Variants in KIF20B observed in about 807,000 individuals in gnomAD.
KIF20B encodes kinesin-like protein KIF20B.
Under a neutral mutation model 232.5 loss-of-function variants are expected in KIF20B, and 188 were observed. The ratio of observed to expected loss-of-function variants is 0.81; its 90% CI spans 0.72 to 0.91. The LOEUF (loss-of-function observed/expected upper bound fraction) is 0.91. KIF20B is among the 40% of genes least tolerant of loss of function. KIF20B has a pLI of 0.00. For missense variants in KIF20B, 2,154 were observed against 2,055.9 expected, an observed-to-expected ratio of 1.05 and a Z score of -0.92; for synonymous variants, 712 against 683.0, an observed-to-expected ratio of 1.04 and a Z score of -0.66.
intron 13 of KIF20B, 60 bp from the exon 14 acceptor site, chr10:89,723,904 G>A (rs1014334598): frequency 1.4e-5 from 17 of 1,194,146 alleles, no homozygotes; most frequent in African/African-American, 1.3e-4. Context: ...ACAGTTGGAC[G>A]GTATTTCTCT....
In KIF20B at chr10:89,758,800, T is replaced by C. The variant is rs1842182529; in HGVS notation, c.4598T>C (p.Leu1533Pro). 1 of 1,607,790 alleles carries C rather than the reference T, an allele frequency of 6.2e-7. No individual in the cohort carries two copies. Among genetic ancestry groups the C allele is most frequent in the Non-Finnish European group, 8.5e-7 (1 of 1,176,872 alleles). Reference sequence around the variant, plus strand: ...CTGGTTGCAGCTTTAGAAATACAGCTAAAAGCACTGATATCCAGTAATGTA... The same window carrying C: ...CTGGTTGCAGCTTTAGAAATACAGCCAAAAGCACTGATATCCAGTAATGTA... The part of the protein sequence containing the change: ...DQLVAALEIQ[L>P]KALISSNVQK... Residue 1533 changes from leucine to proline, a missense_variant, in exon 27 of 33, where the codon CTA becomes CCA. Transcript: ENST00000371728.
chr10:89,762,603 A>G (rs367629964), intron 28 of KIF20B, 35 bp from the exon 29 acceptor site: 486 of 1,501,480 alleles, frequency 3.2e-4, no homozygotes, highest in Non-Finnish European at 4.3e-4. Flanking sequence ...TGTATACTCT[A>G]CAAATAATAT....
chr10:89,753,964 C>G (rs1479021414), intron 25 of KIF20B, among the ~76,000 whole-genome samples: 1 of 151,874 alleles, frequency 6.6e-6, no homozygotes, highest in Non-Finnish European at 1.5e-5. Context: ...AAATGAAGTT[C>G]TACTTGGGTT....
chr10:89,715,203 A>G (rs1842914045), intron 8 of KIF20B, 21 bp downstream of exon 8: 4 of 1,450,016 alleles, frequency 2.8e-6, no homozygotes, highest in Non-Finnish European at 2.9e-6. Flanking sequence ...GAATATTTTT[A>G]TCTTATTGCT....
rs545391358 is a variant in KIF20B, at chr10:89,738,351, A to G, written c.3510A>G (p.Leu1170=). The G allele has an allele frequency of 4.1e-5, 66 of 1,610,262 alleles. No homozygotes were observed. In the East Asian group the frequency reaches 8.5e-4, roughly 21 times the overall value. ...KAKIKELETI[L]ETQKVECSHS... ...AAATAAAGGAACTTGAAACAATTTT[A>G]GAGACTCAGAAAGTTGAATGTAGTC... The change falls in exon 20 of 33, where the codon TTA becomes TTG. Residue 1170 remains leucine (L), a synonymous_variant. Coordinates refer to ENST00000371728, the MANE Select transcript of KIF20B (RefSeq NM_001284259.2).
chr10:89,769,194 T>G (rs972109531), intron 31 of KIF20B, among the ~76,000 whole-genome samples: 11 of 151,892 alleles, frequency 7.2e-5, no homozygotes, highest in African/African-American at 2.7e-4. Flanking sequence ...TTAGGGGGCT[T>G]TGGGAAGGTT....
In KIF20B at chr10:89,743,843, G is replaced by C; in HGVS notation, c.3951G>C (p.Arg1317Ser). The change falls in exon 22 of 33, where the codon AGG becomes AGC. Residue 1317 changes from arginine (R) to serine (S), a missense_variant. Transcript: ENST00000371728. ...TGCGTGATGAGGATAAATTACTGAGGATTAAAATTAATGAACTGGAGAAAA... is the reference window on the plus strand; with the variant it reads ...TGCGTGATGAGGATAAATTACTGAGCATTAAAATTAATGAACTGGAGAAAA... Reference protein sequence around the residue: ...SVMRDEDKLLRIKINELEKKK... With the variant: ...SVMRDEDKLLSIKINELEKKK... The C allele has an allele frequency of 6.4e-7, 1 of 1,551,292 alleles. No homozygotes were observed. The highest frequency in any genetic ancestry group is 1.2e-5 in the South Asian group (1 of 84,868).
chr10:89,703,754 CCT>C (rs1491243983), intron 1 of KIF20B, among the ~76,000 whole-genome samples: 4 of 99,854 alleles, frequency 4.0e-5, no homozygotes, highest in African/African-American at 8.4e-5. Flanking sequence ...CAGGCTTTTC[CCT>C]TTTTTTTTTT....
At position 89,751,977 on chromosome 10, in the gene KIF20B, G is replaced by GCACAA. The variant is rs1554852574; in HGVS notation, c.4222+506_4222+507insCACAA. 6.5e-4 allele frequency among the ~76,000 whole-genome samples: 99 copies of GCACAA among 152,024 alleles called. 2 individuals are homozygous for GCACAA. The East Asian group carries it at 0.017, about 26-fold the overall frequency. On this transcript the variant is annotated intron_variant, in intron 24 of 32. Transcript: ENST00000371728. ...GTCTAGCCATTTTATATATAACCTT[G>GCACAA]GCAGGGTACTTGTGCTTACTCAGCC... is the stretch of plus-strand genomic sequence containing the variant.
intron 31 of KIF20B, 68 bp from the exon 32 acceptor site, chr10:89,772,621 A>T: frequency 1.0e-6 from 1 of 966,714 alleles, no homozygotes; most frequent in Non-Finnish European, 1.5e-6. Context: ...CATCTTTATT[A>T]AGGATTTCAA....
At chr10:89,764,535 C>T (rs1589884169) in intron 29 of KIF20B, among the ~76,000 whole-genome samples, 1 of 152,186 alleles carries the variant, frequency 6.6e-6, no homozygotes, top group African/African-American at 2.4e-5. Context: ...GTTCCTATTT[C>T]TCCACATCCT....
chr10:89,721,580 A>T (rs1843057889), intron 13 of KIF20B, among the ~76,000 whole-genome samples: 1 of 152,076 alleles, frequency 6.6e-6, no homozygotes, highest in Non-Finnish European at 1.5e-5. Context: ...TGCAGTGGGA[A>T]GATTGCTTGA....
At chr10:89,732,065 C>T (rs1843333633) in intron 18 of KIF20B, among the ~76,000 whole-genome samples, 1 of 151,724 alleles carries the variant, frequency 6.6e-6, no homozygotes, top group South Asian at 2.1e-4. Flanking sequence ...GAGTTTTACC[C>T]TTCTTCTAAA....
At chr10:89,743,059 C>G (rs1268371990) in intron 21 of KIF20B, among the ~76,000 whole-genome samples, 1 of 152,050 alleles carries the variant, frequency 6.6e-6, no homozygotes, top group East Asian at 1.9e-4. Flanking sequence ...TTTGAGCTCT[C>G]TAGCGAGTGT....
At chr10:89,760,659 C>T (rs759748781) in intron 28 of KIF20B, 23 bp downstream of exon 28, 4 of 1,345,344 alleles carry the variant, frequency 3.0e-6, no homozygotes, top group Admixed American at 3.4e-5. Flanking sequence ...CAGCACAGTC[C>T]ACTTATTTAT....
Position 89,762,654 on chromosome 10 carries a change from T to C in KIF20B, c.4808T>C (p.Leu1603Pro). Residue 1603 changes from leucine to proline, a missense_variant, in exon 29 of 33, where the codon CTT becomes CCT. Physicochemically the swap from Leu to Pro is moderately conservative, Grantham distance 98. Transcript: ENST00000371728. ...CTGTTGTAGGATGGATCTGTAGTCC[T>C]TGACTCTTGTGAAGTGTCAACAGAA... Reference protein sequence around the residue: ...RNKIEDGSVVLDSCEVSTEND... With the variant: ...RNKIEDGSVVPDSCEVSTEND... 1 of 1,613,076 alleles carries C rather than the reference T, an allele frequency of 6.2e-7. No homozygotes were observed. The highest frequency in any genetic ancestry group is 1.1e-5 in the South Asian group (1 of 91,046).
rs761294038 is a variant in KIF20B at position 89,714,036 on chromosome 10, CTT to C, written c.676-4_676-3del. ...TGTTTTTTTAATTTTTTAAAACAAT[CTT>C]TTTTTTAGGTTACTGTGCATAATGA... is the stretch of plus-strand genomic sequence containing the variant. On this transcript the variant is annotated splice_polypyrimidine_tract_variant and intron_variant, in intron 6 of 32. Transcript: ENST00000371728. 2.2e-6 allele frequency: 3 copies of C among 1,348,180 alleles called. No homozygotes were observed. The highest frequency in any genetic ancestry group is 3.0e-6 in the Non-Finnish European group (3 of 995,000). 83.5% of individuals were successfully genotyped at this position (1,348,180 alleles called of 1,614,324 possible).
At chr10:89,745,755 A>G (rs1014836983) in intron 22 of KIF20B, 144 bp from the exon 23 acceptor site, 12 of 605,188 alleles carry the variant, frequency 2.0e-5, no homozygotes, top group Admixed American at 1.1e-4. Context: ...GACAGTTGGA[A>G]GCTTGAGACT....
At chr10:89,733,321 TA>T (rs34596722) in intron 19 of KIF20B, among the ~76,000 whole-genome samples, 46,978 of 152,106 alleles carry the variant, frequency 0.31, 8,166 homozygotes, top group African/African-American at 0.46. Flanking sequence ...TTATAATAGT[TA>T]AAACTCATTA....
Sources: allele counts gnomAD v4.1 joint callset (sites outside exome capture counted in the v4.1 genomes callset), GRCh38; gene constraint gnomAD v4.1.1; transcripts MANE v1.5; gene names NCBI Gene and HGNC (gene_info 2026-07-23, HGNC 2026-07-21).